The following DAB1 variants were observed in gnomAD, a reference collection of about 807,000 sequenced individuals.
DAB1 encodes disabled homolog 1.
A neutral mutation model predicts 64.6 loss-of-function variants in DAB1; 15 were observed. The observed-to-expected ratio is 0.23, with a 90% CI of 0.16 to 0.36. The LOEUF (loss-of-function observed/expected upper bound fraction) is 0.36, where lower values mean the gene tolerates loss of function less well. DAB1 is among the 10% of genes least tolerant of loss of function. The pLI is 1.00. For missense variants in DAB1, 596 were observed against 706.7 expected, an observed-to-expected ratio of 0.84 and a Z score of 1.78; for synonymous variants, 235 against 251.9, an observed-to-expected ratio of 0.93 and a Z score of 0.64.
chr1:58,127,966 T>C (rs1255993998), intron 5 of DAB1, among the ~76,000 whole-genome samples: 1 of 151,910 alleles, frequency 6.6e-6, no homozygotes, highest in Non-Finnish European at 1.5e-5. Context: ...CCATATGAAC[T>C]TTAAAGTAGT....
At chr1:58,178,114 T>C (rs1656587466) in intron 4 of DAB1, among the ~76,000 whole-genome samples, 1 of 152,184 alleles carries the variant, frequency 6.6e-6, no homozygotes, top group Admixed American at 6.5e-5. Context: ...TTCAAAACTG[T>C]TATTTCCAAA....
At chr1:57,368,461 G>A (rs1382933475) in intron 1 of DAB1, among the ~76,000 whole-genome samples, 1 of 152,154 alleles carries the variant, frequency 6.6e-6, no homozygotes, top group African/African-American at 2.4e-5. Context: ...ACTTCTCTCT[G>A]AGGCCCATAA....
intron 5 of DAB1, among the ~76,000 whole-genome samples, chr1:57,937,737 CAACAG>C (rs1645047315): frequency 6.6e-6 from 1 of 152,206 alleles, no homozygotes; most frequent in Non-Finnish European, 1.5e-5. Context: ...CAAGCTAGGT[CAACAG>C]GCTGAAGGAC....
intron 5 of DAB1, among the ~76,000 whole-genome samples, chr1:57,891,976 C>A (rs181483290): frequency 3.5e-4 from 53 of 152,254 alleles, no homozygotes; most frequent in African/African-American, 1.1e-3. Context: ...ACAAGTATCC[C>A]AGAACTTAAA....
chr1:58,353,952 T>C lies in DAB1; in HGVS notation n.258-10549A>G, dbSNP rs145738660. ...GCATTTTTGGTGCATTATGCCATTC[T>C]ACCTCCCTGCGAAGAAAACAATTCA... On this transcript the variant is annotated intron_variant and non_coding_transcript_variant, in intron 3 of 20. Transcript: ENST00000485760. Among the ~76,000 whole-genome samples, 4 of 152,334 alleles carry C rather than the reference T, an allele frequency of 2.6e-5. No homozygotes were observed. In the East Asian group the frequency reaches 7.7e-4, roughly 29 times the overall value.
At chr1:57,381,158 A>G (rs1191456435) in intron 1 of DAB1, among the ~76,000 whole-genome samples, 1 of 152,132 alleles carries the variant, frequency 6.6e-6, no homozygotes, top group East Asian at 1.9e-4. Flanking sequence ...GTTCTTAGTT[A>G]TATACAAGCA....
intron 7 of DAB1, among the ~76,000 whole-genome samples, chr1:57,547,631 TACTTTTTA>T (rs1451687160): frequency 6.6e-6 from 1 of 152,208 alleles, no homozygotes; most frequent in African/African-American, 2.4e-5. Flanking sequence ...TGAACGTATT[TACTTTTTA>T]ACAAACAAAT....
chr1:58,160,259 C>A (rs1655457392), intron 4 of DAB1, among the ~76,000 whole-genome samples: 1 of 152,092 alleles, frequency 6.6e-6, no homozygotes. Flanking sequence ...GGAACTTCTC[C>A]TGGAGGGGAA....
At chr1:58,207,265 T>G (rs1261205699) in intron 4 of DAB1, among the ~76,000 whole-genome samples, 1 of 152,190 alleles carries the variant, frequency 6.6e-6, no homozygotes, top group South Asian at 2.1e-4. Flanking sequence ...TATGCAGCAA[T>G]AGCTAACTGG....
intron 5 of DAB1, among the ~76,000 whole-genome samples, chr1:58,106,059 G>T (rs1456111088): frequency 6.6e-6 from 1 of 150,596 alleles, no homozygotes; most frequent in Non-Finnish European, 1.5e-5. Context: ...TAGTGTTGTT[G>T]TTTTGGTTTT....
intron 6 of DAB1, among the ~76,000 whole-genome samples, chr1:57,682,865 C>A (rs1020091943): frequency 4.6e-5 from 7 of 152,308 alleles, no homozygotes; most frequent in South Asian, 2.1e-4. Flanking sequence ...AGCTTTCCTG[C>A]AGGACTGGGA....
chr1:57,124,442 C>G (rs1289511474), intron 4 of DAB1, among the ~76,000 whole-genome samples: 1 of 152,100 alleles, frequency 6.6e-6, no homozygotes, highest in Non-Finnish European at 1.5e-5. Flanking sequence ...GGAAGATGAA[C>G]TATCTTCTCC....
chr1:57,323,115 A>G (rs1213720185), intron 1 of DAB1, among the ~76,000 whole-genome samples: 1 of 152,024 alleles, frequency 6.6e-6, no homozygotes, highest in African/African-American at 2.4e-5. Context: ...CCACAGGTTG[A>G]GTAGAAAGGG....
intron 7 of DAB1, among the ~76,000 whole-genome samples, chr1:57,618,964 G>T: frequency 6.6e-6 from 1 of 152,140 alleles, no homozygotes; most frequent in East Asian, 1.9e-4. Flanking sequence ...TTAAAAAGAT[G>T]CTAATGATAA....
chr1:58,047,795 G>A (rs143285768), intron 5 of DAB1: 1 of 237,150 alleles, frequency 4.2e-6, no homozygotes, highest in African/African-American at 2.3e-5. Context: ...GTCAACAACT[G>A]TTTATCCGGC....
intron 5 of DAB1, among the ~76,000 whole-genome samples, chr1:58,028,793 T>C (rs1646931840): frequency 6.6e-6 from 1 of 152,220 alleles, no homozygotes; most frequent in Non-Finnish European, 1.5e-5. Flanking sequence ...GAATCAACTG[T>C]ACTATTCTCT....
intron 9 of DAB1, among the ~76,000 whole-genome samples, chr1:57,036,679 A>G (rs938253945): frequency 2.0e-5 from 3 of 152,158 alleles, no homozygotes; most frequent in Non-Finnish European, 4.4e-5. Flanking sequence ...ACAGTTTTGT[A>G]TTCTTTTAAA....
At chr1:57,754,952 G>T (rs1648733049) in intron 6 of DAB1, among the ~76,000 whole-genome samples, 1 of 152,110 alleles carries the variant, frequency 6.6e-6, no homozygotes, top group Admixed American at 6.5e-5. Context: ...AGTGACTCTA[G>T]ACAAGTTTTC....
chr1:57,383,981 T>C (rs1681586571), intron 1 of DAB1, among the ~76,000 whole-genome samples: 1 of 151,172 alleles, frequency 6.6e-6, no homozygotes, highest in Non-Finnish European at 1.5e-5. Context: ...TAAGAAAAAA[T>C]ATTTGCAAAT....
Sources: gnomAD v4.1 joint callset for allele counts (sites outside exome capture counted in the v4.1 genomes callset) on GRCh38, gnomAD v4.1.1 for gene constraint, MANE v1.5 for transcripts, NCBI Gene and HGNC (gene_info 2026-07-23, HGNC 2026-07-21) for gene names.